The following SCARB2 variants were observed in gnomAD, a reference collection of about 807,000 sequenced individuals.
SCARB2 encodes lysosome membrane protein 2.
Under a neutral mutation model 58.6 loss-of-function variants are expected in SCARB2, and 29 were observed. The observed-to-expected ratio is 0.49, with a 90% CI of 0.37 to 0.67. SCARB2 has a LOEUF of 0.67. SCARB2 is among the 30% of genes least tolerant of loss of function. The pLI is 0.00. For missense variants in SCARB2, 488 were observed against 578.5 expected (o/e 0.84, Z 1.60); for synonymous variants, 195 against 210.1 (o/e 0.93, Z 0.62).
intron 2 of SCARB2, among the ~76,000 whole-genome samples, chr4:76,186,884 C>A (rs1395965857): frequency 5.9e-5 from 9 of 151,656 alleles, no homozygotes; most frequent in Admixed American, 5.9e-4. Context: ...GTTTTAGCTA[C>A]CAATCTAAAA....
chr4:76,216,748 G>A (rs78346024), upstream of SCARB2, among the ~76,000 whole-genome samples: 535 of 152,274 alleles, frequency 3.5e-3, 5 homozygotes, highest in African/African-American at 0.012. Flanking sequence ...TGGACAAGCC[G>A]AATGAAAATC....
At chr4:76,219,741 G>A (rs527586400) in intron 1 of SCARB2, among the ~76,000 whole-genome samples, 1 of 152,128 alleles carries the variant, frequency 6.6e-6, no homozygotes, top group East Asian at 1.9e-4. Context: ...AATGGGGAAT[G>A]GGGGGCTTAG....
chr4:76,183,848 C>T (rs911839453), intron 2 of SCARB2, among the ~76,000 whole-genome samples: 3 of 152,212 alleles, frequency 2.0e-5, no homozygotes, highest in African/African-American at 2.4e-5. Flanking sequence ...TACAAAAAGA[C>T]ACTTATCACT....
At chr4:76,171,883 A>G (rs1732135718) in intron 7 of SCARB2, among the ~76,000 whole-genome samples, 1 of 152,194 alleles carries the variant, frequency 6.6e-6, no homozygotes, top group East Asian at 1.9e-4. Context: ...AATCAGCTGG[A>G]GTACTTGTTA....
chr4:76,208,968 T>TG (rs1190887091), intron 1 of SCARB2, among the ~76,000 whole-genome samples: 2 of 152,158 alleles, frequency 1.3e-5, no homozygotes, highest in Non-Finnish European at 2.9e-5. Context: ...TCCAGGCAAA[T>TG]GGGATGTATG....
chr4:76,198,474 G>C (rs1281874604), intron 1 of SCARB2, among the ~76,000 whole-genome samples: 1 of 152,202 alleles, frequency 6.6e-6, no homozygotes, highest in Non-Finnish European at 1.5e-5. Flanking sequence ...CCAACTTTCA[G>C]GATAGAAATA....
chr4:76,185,527 T>C (rs1401040379), intron 2 of SCARB2, among the ~76,000 whole-genome samples: 1 of 152,224 alleles, frequency 6.6e-6, no homozygotes, highest in Non-Finnish European at 1.5e-5. Flanking sequence ...CAAGGTTCAG[T>C]TATGCTCCAT....
intron 1 of SCARB2, among the ~76,000 whole-genome samples, chr4:76,208,703 G>A (rs1440841024): frequency 6.6e-6 from 1 of 152,132 alleles, no homozygotes; most frequent in Non-Finnish European, 1.5e-5. Flanking sequence ...CTTGCCCTTT[G>A]ATTTCTATGA....
intron 1 of SCARB2, among the ~76,000 whole-genome samples, chr4:76,231,801 G>C (rs953993438): frequency 6.6e-6 from 1 of 152,162 alleles, no homozygotes; most frequent in Non-Finnish European, 1.5e-5. Context: ...TCCTGGACCT[G>C]TTAAAAGTGG....
intron 7 of SCARB2, among the ~76,000 whole-genome samples, chr4:76,171,296 T>A (rs1198233550): frequency 6.6e-6 from 1 of 152,162 alleles, no homozygotes; most frequent in Non-Finnish European, 1.5e-5. Flanking sequence ...CCTGAGTGTT[T>A]TATATATATT....
chr4:76,207,615 T>C (rs1732954351), intron 1 of SCARB2, among the ~76,000 whole-genome samples: 1 of 152,230 alleles, frequency 6.6e-6, no homozygotes, highest in African/African-American at 2.4e-5. Context: ...CCAGCTTGGA[T>C]TAAAAATGGT....
At chr4:76,183,044 C>A (rs1160083827) in intron 2 of SCARB2, among the ~76,000 whole-genome samples, 1 of 152,158 alleles carries the variant, frequency 6.6e-6, no homozygotes, top group Non-Finnish European at 1.5e-5. Context: ...CCCTTCTAGA[C>A]TTTAAAATAA....
intron 1 of SCARB2, among the ~76,000 whole-genome samples, chr4:76,220,071 T>C (rs776761222): frequency 2.6e-5 from 4 of 152,176 alleles, no homozygotes; most frequent in African/African-American, 4.8e-5. Context: ...CCATTTTGAA[T>C]CAAACCAGAG....
At chr4:76,200,541 T>C (rs1732808873) in intron 1 of SCARB2, among the ~76,000 whole-genome samples, 1 of 152,250 alleles carries the variant, frequency 6.6e-6, no homozygotes, top group South Asian at 2.1e-4. Context: ...GTGCCCGGAC[T>C]ATGCCCTGCA....
intron 1 of SCARB2, among the ~76,000 whole-genome samples, chr4:76,222,400 T>A (rs1733325262): frequency 6.6e-6 from 1 of 152,180 alleles, no homozygotes; most frequent in Non-Finnish European, 1.5e-5. Context: ...CTAATTTTTG[T>A]ATTTTTTAGT....
At chr4:76,223,233 C>T (rs981414092) in intron 1 of SCARB2, among the ~76,000 whole-genome samples, 4 of 152,150 alleles carry the variant, frequency 2.6e-5, no homozygotes, top group African/African-American at 9.7e-5. Flanking sequence ...CTGCAAGTGG[C>T]TTAACCAAGT....
intron 1 of SCARB2, among the ~76,000 whole-genome samples, chr4:76,220,850 T>C (rs1281313479): frequency 1.3e-5 from 2 of 152,164 alleles, no homozygotes; most frequent in Non-Finnish European, 2.9e-5. Flanking sequence ...AGAAGCAAGA[T>C]TGTACAAGAA....
At chr4:76,169,501 C>A (rs1732084579) in intron 8 of SCARB2, among the ~76,000 whole-genome samples, 1 of 152,164 alleles carries the variant, frequency 6.6e-6, no homozygotes, top group Non-Finnish European at 1.5e-5. Flanking sequence ...AGCAAAGGGA[C>A]ATCTTTAACC....
At chr4:76,195,589 A>C (rs967031477) in intron 2 of SCARB2, 118 bp downstream of exon 2, 1 of 849,924 alleles carries the variant, frequency 1.2e-6, no homozygotes, top group Middle Eastern at 3.5e-4. Context: ...CAGACAATGA[A>C]ATCAGAAAGT....
Sources: allele counts gnomAD v4.1 joint callset (sites outside exome capture counted in the v4.1 genomes callset), GRCh38; gene constraint gnomAD v4.1.1; transcripts MANE v1.5; gene names NCBI Gene and HGNC (gene_info 2026-07-23, HGNC 2026-07-21).